Variants in DYRK1A observed in about 807,000 individuals in gnomAD.
DYRK1A encodes the protein dual specificity tyrosine phosphorylation regulated kinase 1A.
Under a neutral mutation model 79.7 loss-of-function variants are expected in DYRK1A, and 9 were observed. The ratio of observed to expected loss-of-function variants is 0.11; its 90% CI spans 0.07 to 0.20. The LOEUF (loss-of-function observed/expected upper bound fraction) is 0.20. DYRK1A is among the 10% of genes least tolerant of loss of function. The pLI, the probability that DYRK1A is intolerant of heterozygous loss-of-function variation, is 1.00. For synonymous variants in DYRK1A, 349 were observed against 329.7 expected (o/e 1.06, Z -0.63); for missense variants, 622 against 956.0 (o/e 0.65, Z 4.61).
intron 2 of DYRK1A, among the ~76,000 whole-genome samples, chr21:37,431,815 C>T (rs2050784053): frequency 6.6e-6 from 1 of 152,158 alleles, no homozygotes; most frequent in Non-Finnish European, 1.5e-5. Context: ...AAAGATGACA[C>T]TTACTGTACT....
rs989604890 is a variant in DYRK1A, at chr21:37,524,707, C to T, written c.*12176C>T. 71 of 152,218 alleles carry T rather than the reference C, an allele frequency of 4.7e-4. No individual in the cohort carries two copies. The highest frequency in any genetic ancestry group is 1.6e-3 in the African/African-American group (67 of 41,450). 9.4% of individuals were successfully genotyped at this position (152,218 alleles called of 1,614,324 possible). A position where few individuals can be genotyped will look rare whatever the true frequency, so the allele number is the denominator to read the frequency against. On this transcript the variant is annotated 3_prime_UTR_variant, in exon 12 of 12. Coordinates refer to ENST00000647188, the MANE Select transcript of DYRK1A (RefSeq NM_001347721.2). ...TTATGCACACTGCTCCGCTATTGCTCTTTATTTGAGGAGCCAGTACCAAGT... is the reference window on the plus strand; with the variant it reads ...TTATGCACACTGCTCCGCTATTGCTTTTTATTTGAGGAGCCAGTACCAAGT...
intron 2 of DYRK1A, among the ~76,000 whole-genome samples, chr21:37,453,156 A>G (rs566077010): frequency 6.2e-4 from 95 of 152,292 alleles, no homozygotes; most frequent in African/African-American, 1.9e-3. Flanking sequence ...TTAAACTTAA[A>G]TATATTTTAA....
intron 2 of DYRK1A, among the ~76,000 whole-genome samples, chr21:37,463,971 C>T (rs1442173642): frequency 6.6e-6 from 1 of 152,082 alleles, no homozygotes; most frequent in African/African-American, 2.4e-5. Flanking sequence ...AACTGTTTCT[C>T]TTTAAAATCT....
chr21:37,483,215 A>G (rs2052720340), intron 5 of DYRK1A, among the ~76,000 whole-genome samples: 5 of 152,232 alleles, frequency 3.3e-5, no homozygotes, highest in Admixed American at 3.3e-4. Flanking sequence ...AGAAATTATA[A>G]AAGTATTAAT....
At chr21:37,486,320 G>A (rs557456749) in intron 5 of DYRK1A, 147 bp from the exon 6 acceptor site, 201 of 478,928 alleles carry the variant, frequency 4.2e-4, no homozygotes, top group African/African-American at 2.6e-3. Context: ...GAAATAGATG[G>A]CATCTCTTCT....
At chr21:37,475,481 G>C (rs2052364086) in intron 3 of DYRK1A, among the ~76,000 whole-genome samples, 1 of 152,216 alleles carries the variant, frequency 6.6e-6, no homozygotes, top group African/African-American at 2.4e-5. Context: ...TTCTGGATAT[G>C]TACTAATGGC....
intron 2 of DYRK1A, among the ~76,000 whole-genome samples, chr21:37,424,788 A>T (rs966280013): frequency 2.0e-5 from 3 of 152,166 alleles, no homozygotes; most frequent in Non-Finnish European, 4.4e-5. Context: ...TTTTCTTATA[A>T]TTGATTCCTA....
intron 2 of DYRK1A, among the ~76,000 whole-genome samples, chr21:37,441,888 A>AT (rs1488526038): frequency 2.0e-5 from 3 of 148,134 alleles, no homozygotes; most frequent in African/African-American, 7.4e-5. Flanking sequence ...TTCTATTAAC[A>AT]TTTTTTGTAG....
chr21:37,372,642 A>G (rs963419720), intron 1 of DYRK1A, among the ~76,000 whole-genome samples: 1 of 152,148 alleles, frequency 6.6e-6, no homozygotes, highest in Non-Finnish European at 1.5e-5. Flanking sequence ...CAGTGATTTC[A>G]CCAAACATCA....
rs540650055 is a variant in DYRK1A, at chr21:37,490,853, G to C, written c.924+392G>C. Among the ~76,000 whole-genome samples, 5 of 152,114 alleles carry C rather than the reference G, an allele frequency of 3.3e-5. No individual in the cohort carries two copies. In the South Asian group the frequency reaches 1.0e-3, roughly 32 times the overall value. On this transcript the variant is annotated intron_variant, in intron 7 of 11. Coordinates refer to ENST00000647188, the MANE Select transcript of DYRK1A (RefSeq NM_001347721.2). ...TAAGGGAGAGAATAGGAGATGGAAT[G>C]ATTAAATATTAGGGGATTTGTAACT...
In DYRK1A at chr21:37,407,866, A is replaced by G. The variant is rs552122532; in HGVS notation, c.-76-12433A>G. On this transcript the variant is annotated intron_variant, in intron 1 of 11. Coordinates refer to ENST00000647188, the MANE Select transcript of DYRK1A (RefSeq NM_001347721.2). ...CAGACTGGTGGTGGAATCTGTCTCT[A>G]TTGCCCAGCTTGGCACTATGAAGTT... Among the ~76,000 whole-genome samples the G allele has an allele frequency of 3.2e-4, 49 of 152,298 alleles. No individual in the cohort carries two copies. The East Asian group carries it at 4.4e-3, about 14-fold the overall frequency.
chr21:37,460,343 T>G (rs2051799112), intron 2 of DYRK1A, among the ~76,000 whole-genome samples: 4 of 152,178 alleles, frequency 2.6e-5, no homozygotes, highest in Admixed American at 2.6e-4. Flanking sequence ...TTAGAGAGCT[T>G]CTGCTGTTTT....
At chr21:37,483,567 T>G (rs1030411233) in intron 5 of DYRK1A, among the ~76,000 whole-genome samples, 14 of 152,042 alleles carry the variant, frequency 9.2e-5, no homozygotes, top group African/African-American at 1.7e-4. Context: ...GGAGTCCTTT[T>G]TTTTGTTTTG....
At chr21:37,467,518 C>G (rs2052071085) in intron 2 of DYRK1A, among the ~76,000 whole-genome samples, 1 of 152,230 alleles carries the variant, frequency 6.6e-6, no homozygotes, top group South Asian at 2.1e-4. Context: ...GTGGGAACCA[C>G]CATGCTTGGC....
intron 2 of DYRK1A, among the ~76,000 whole-genome samples, chr21:37,464,546 AATG>A (rs2051960114): frequency 6.6e-6 from 1 of 152,216 alleles, no homozygotes; most frequent in Non-Finnish European, 1.5e-5. Flanking sequence ...CTGCACTCCA[AATG>A]ATGATTTTAG....
intron 2 of DYRK1A, 38 bp from the exon 3 acceptor site, chr21:37,472,646 A>G (rs1303939327): frequency 1.4e-6 from 2 of 1,480,770 alleles, no homozygotes; most frequent in Middle Eastern, 1.8e-4. Flanking sequence ...ACATTAGGAT[A>G]TGAATATTTC....
intron 1 of DYRK1A, among the ~76,000 whole-genome samples, chr21:37,380,725 TA>T (rs74674029): frequency 7.9e-4 from 113 of 143,232 alleles, no homozygotes; most frequent in East Asian, 1.4e-3. Flanking sequence ...TTGTCTCTCC[TA>T]AAAAAAAAAA....
At chr21:37,432,764 G>A (rs2050811733) in intron 2 of DYRK1A, among the ~76,000 whole-genome samples, 1 of 151,984 alleles carries the variant, frequency 6.6e-6, no homozygotes, top group South Asian at 2.1e-4. Flanking sequence ...ATAAAAAAAA[G>A]TTAACAGTTA....
intron 1 of DYRK1A, among the ~76,000 whole-genome samples, chr21:37,404,903 C>A (rs2050120168): frequency 6.6e-6 from 1 of 152,062 alleles, no homozygotes; most frequent in Admixed American, 6.6e-5. Context: ...TTGAGCATGG[C>A]TGGGGTGGGA....
Sources: gnomAD v4.1 joint callset for allele counts (sites outside exome capture counted in the v4.1 genomes callset) on GRCh38, gnomAD v4.1.1 for gene constraint, MANE v1.5 for transcripts, NCBI Gene and HGNC (gene_info 2026-07-23, HGNC 2026-07-21) for gene names.